MAP1A: variants seen among roughly 807,000 people sequenced by gnomAD.
The protein encoded by MAP1A is microtubule associated protein 1A.
In MAP1A, 42 loss-of-function variants were observed where a neutral mutation model predicts 185.9. That is an observed-to-expected ratio of 0.23 (90% CI 0.18 to 0.29). MAP1A has a LOEUF of 0.29. Ranked by LOEUF, MAP1A falls within the 10% of genes least tolerant of loss-of-function variation. The pLI is 1.00. For missense variants in MAP1A, 2,995 were observed against 3,450.4 expected (o/e 0.87, Z 3.31); for synonymous variants, 1,229 against 1,335.9 (o/e 0.92, Z 1.74).
chr15:43,526,605 A>G lies in MAP1A; in HGVS notation c.5132A>G (p.Glu1711Gly). 6.2e-7 allele frequency: 1 copy of G among 1,614,134 alleles called. No individual in the cohort carries two copies. The highest frequency in any genetic ancestry group is 8.5e-7 in the Non-Finnish European group (1 of 1,180,018). Reference sequence around the variant, plus strand: ...GAGCGGAAGGTCTGGTTCCCTCACGAGCTGGATGGCCAGGGGGCCCGCCCA... The same window carrying G: ...GAGCGGAAGGTCTGGTTCCCTCACGGGCTGGATGGCCAGGGGGCCCGCCCA... ...SCERKVWFPH[E>G]LDGQGARPHY... The change falls in exon 4 of 6, where the codon GAG becomes GGG. Residue 1711 changes from glutamate (E) to glycine (G), a missense_variant. Physicochemically the swap from Glu to Gly is moderately conservative, Grantham distance 98. Coordinates refer to ENST00000300231, the MANE Select transcript of MAP1A (RefSeq NM_002373.6). This position sits in a 1 kb window ranked among gnomAD's most constrained non-coding sequence, Gnocchi z 4.7.
In MAP1A at chr15:43,528,218, C is replaced by G; in HGVS notation, c.6745C>G (p.Arg2249Gly). The change falls in exon 4 of 6, where the codon CGA becomes GGA. Residue 2249 changes from arginine to glycine, a missense_variant. Physicochemically the swap from Arg to Gly is moderately radical, Grantham distance 125. Around this residue, in one of 3 missense-constraint regions of MAP1A, gnomAD observed 2,728 missense variants for 2,986.0 expected, o/e 0.91. Coordinates refer to ENST00000300231, the MANE Select transcript of MAP1A (RefSeq NM_002373.6). ...PGAPLLSNLP[R>G]PASPALSEGS... ...GGCCCCTCTCCTCTCCAATCTGCCA[C>G]GACCTGCCTCACCAGCCCTGTCTGA... 6.2e-7 allele frequency: 1 copy of G among 1,614,072 alleles called. No individual in the cohort carries two copies. The highest frequency in any genetic ancestry group is 8.5e-7 in the Non-Finnish European group (1 of 1,180,022).
rs776191838 is a variant in MAP1A at position 43,522,483 on chromosome 15, G to A, written c.1010G>A (p.Arg337Gln). 85 of 1,613,992 alleles carry A rather than the reference G, an allele frequency of 5.3e-5. No individual in the cohort carries two copies. Among genetic ancestry groups the A allele is most frequent in the South Asian group, 2.5e-4 (23 of 91,058 alleles). ...TKTAVSKLAKREEVVEEGAKE... is the reference protein window; with the variant it reads ...TKTAVSKLAKQEEVVEEGAKE... ...ACGGCCGTGAGCAAGTTGGCCAAAC[G>A]GGAGGAGGTGGTAGAAGAGGGAGCC... Residue 337 changes from arginine to glutamine, a missense_variant, in exon 4 of 6, where the codon CGG becomes CAG. Arg to Gln is a conservative substitution (Grantham distance 43). Coordinates refer to ENST00000300231, the MANE Select transcript of MAP1A (RefSeq NM_002373.6). This position sits in a 1 kb window ranked among gnomAD's most constrained non-coding sequence, Gnocchi z 5.9.
chr15:43,520,976 A>G lies in MAP1A; in HGVS notation c.-287A>G, dbSNP rs754621556. The G allele has an allele frequency of 2.5e-5, 39 of 1,549,814 alleles. No individual in the cohort carries two copies. Among genetic ancestry groups the G allele is most frequent in the Non-Finnish European group, 3.1e-5 (36 of 1,146,624 alleles). ...ACTCCCCTTCTTCCATTCCAGGTTC[A>G]TCATCTTCTTAGCAGCTCATCAGCT... On this transcript the variant is annotated 5_prime_UTR_variant, in exon 3 of 6. Coordinates refer to ENST00000300231, the MANE Select transcript of MAP1A (RefSeq NM_002373.6).
rs1037344647 is a variant in MAP1A at position 43,528,925 on chromosome 15, G to C, written c.7452G>C (p.Gly2484=). The C allele has an allele frequency of 6.2e-7, 1 of 1,612,968 alleles. No homozygotes were observed. The highest frequency in any genetic ancestry group is 8.5e-7 in the Non-Finnish European group (1 of 1,179,956). The change falls in exon 4 of 6, where the codon GGG becomes GGC. Residue 2484 remains glycine (G), a synonymous_variant. Transcript: ENST00000300231. ...VGRGGRRRVG[G]PGTTGGPCPV... is the part of the protein sequence containing the mutation. Reference sequence around the variant, plus strand: ...GAGGGGGGCGGCGCCGGGTAGGGGGGCCAGGGACCACTGGGGGCCCATGCC... The same window carrying C: ...GAGGGGGGCGGCGCCGGGTAGGGGGCCCAGGGACCACTGGGGGCCCATGCC...
chr15:43,526,423 G>C lies in MAP1A; in HGVS notation c.4950G>C (p.Trp1650Cys), dbSNP rs1060943. ...YWRGQDVVQE[W>C]QETSPTREEP... ...GGGGGCAGGATGTGGTCCAGGAGTG[G>C]CAAGAAACATCTCCTACCAGAGAGG... Residue 1650 changes from tryptophan (W) to cysteine (C), a missense_variant, in exon 4 of 6, where the codon TGG (tryptophan) becomes TGC (cysteine). This residue lies in a region of MAP1A where 2,728 missense variants were observed against 2,986.0 expected (regional missense o/e 0.91). Coordinates refer to ENST00000300231, the MANE Select transcript of MAP1A (RefSeq NM_002373.6). The surrounding 1 kb of genome is among the most constrained non-coding windows in gnomAD (Gnocchi z 4.7). The C allele has an allele frequency of 6.2e-7, 1 of 1,614,152 alleles. No homozygotes were observed. Among genetic ancestry groups the C allele is most frequent in the Non-Finnish European group, 8.5e-7 (1 of 1,180,020 alleles).
chr15:43,520,703 G>A lies in MAP1A; in HGVS notation c.-312G>A. The A allele has an allele frequency of 6.5e-7, 1 of 1,550,232 alleles. No individual in the cohort carries two copies. The highest frequency in any genetic ancestry group is 1.2e-5 in the South Asian group (1 of 84,056). On this transcript the variant is annotated 5_prime_UTR_variant, in exon 2 of 6. Transcript: ENST00000300231. ...GACCATCATCCTGGTAAATCCCAGT[G>A]CAGACAGCATCAGCTCTGAGGTAAG... is the stretch of plus-strand genomic sequence containing the variant.
At position 43,523,073 on chromosome 15, in the gene MAP1A, G is replaced by A; in HGVS notation, c.1600G>A (p.Asp534Asn). The stretch of plus-strand genomic sequence containing the variant: ...ATCCTCACCAGAGGACCTCACACAG[G>A]ACTTTGAGGAGATGAAGCGTGAGGA... ...VLSSPEDLTQDFEEMKREERA... is the reference protein window; with the variant it reads ...VLSSPEDLTQNFEEMKREERA... The change falls in exon 4 of 6, where the codon GAC becomes AAC. Residue 534 changes from aspartate to asparagine, a missense_variant. By Grantham distance (23) the Asp-to-Asn change is conservative. This residue lies in a region of MAP1A where 2,728 missense variants were observed against 2,986.0 expected (regional missense o/e 0.91). Coordinates refer to ENST00000300231, the MANE Select transcript of MAP1A (RefSeq NM_002373.6). The A allele has an allele frequency of 6.2e-7, 1 of 1,614,180 alleles. No homozygotes were observed. The highest frequency in any genetic ancestry group is 8.5e-7 in the Non-Finnish European group (1 of 1,180,030).
intron 1 of MAP1A, among the ~76,000 whole-genome samples, chr15:43,518,571 GCGGAGCTGGAGC>G (rs1287586731): frequency 6.6e-6 from 1 of 151,990 alleles, no homozygotes; most frequent in East Asian, 1.9e-4. Context: ...GGGGGTGGGG[GCGGAGCTGGAGC>G]CGGAGCTCAG....
At chr15:43,515,022 C>A (rs1484719666), upstream of MAP1A, among the ~76,000 whole-genome samples, 1 of 152,108 alleles carries the variant, frequency 6.6e-6, no homozygotes, top group Non-Finnish European at 1.5e-5. Flanking sequence ...TTGAGACCAG[C>A]CTGGACAACA....
Position 43,531,266 on chromosome 15 carries a change from A to AGAT in MAP1A, c.*1044_*1046dup, listed in dbSNP as rs1296703196. The AGAT allele has an allele frequency of 6.5e-6, 1 of 152,730 alleles. No individual in the cohort carries two copies. The highest frequency in any genetic ancestry group is 1.5e-5 in the Non-Finnish European group (1 of 68,138). 9.5% of individuals were successfully genotyped at this position (152,730 alleles called of 1,614,324 possible). ...CAGGCCAGAGGACTTGGGGAAAATG[A>AGAT]GATGGAGGAAGGAAAAAGGGAGAAG... On this transcript the variant is annotated 3_prime_UTR_variant, in exon 6 of 6. Coordinates refer to ENST00000300231, the MANE Select transcript of MAP1A (RefSeq NM_002373.6).
Position 43,529,175 on chromosome 15 carries a change from C to G in MAP1A, c.7702C>G (p.Pro2568Ala). The G allele has an allele frequency of 6.2e-7, 1 of 1,612,384 alleles. No individual in the cohort carries two copies. Among genetic ancestry groups the G allele is most frequent in the African/African-American group, 1.3e-5 (1 of 75,006 alleles). The change falls in exon 4 of 6, where the codon CCC becomes GCC. Residue 2568 changes from proline to alanine, a missense_variant. This residue lies in a region of MAP1A where 2,728 missense variants were observed against 2,986.0 expected (regional missense o/e 0.91). Transcript: ENST00000300231. The surrounding 1 kb of genome is among the most constrained non-coding windows in gnomAD (Gnocchi z 4.3). Reference protein sequence around the residue: ...HDPPPLPQPDPRPSPPRPDVC... With the variant: ...HDPPPLPQPDARPSPPRPDVC... ...CCCACCTCCTCTCCCACAGCCAGAC[C>G]CCCGCCCATCCCCTCCCCGCCCTGA...
upstream of MAP1A, among the ~76,000 whole-genome samples, chr15:43,517,206 C>A (rs2079300684): frequency 6.6e-6 from 1 of 152,146 alleles, no homozygotes; most frequent in African/African-American, 2.4e-5. Context: ...GTCTCCTGCT[C>A]CTCCAGGGAC....
At position 43,524,085 on chromosome 15, in the gene MAP1A, C is replaced by A. The variant is rs1248758487; in HGVS notation, c.2612C>A (p.Thr871Lys). Reference protein sequence around the residue: ...ETGKSSLLLDTVTSIPSSRTE... With the variant: ...ETGKSSLLLDKVTSIPSSRTE... The stretch of plus-strand genomic sequence containing the variant: ...GGCAAGAGCTCCCTGCTGCTTGACA[C>A]AGTCACAAGCATCCCTTCCTCCCGT... The change falls in exon 4 of 6, where the codon ACA (threonine) becomes AAA (lysine). Residue 871 changes from threonine to lysine, a missense_variant. This residue lies in a region of MAP1A where 2,728 missense variants were observed against 2,986.0 expected (regional missense o/e 0.91). Transcript: ENST00000300231. 4.3e-6 allele frequency: 7 copies of A among 1,614,022 alleles called. No individual in the cohort carries two copies. The African/African-American group carries it at 6.7e-5, about 15-fold the overall frequency.
In MAP1A at chr15:43,528,193, G is replaced by A; in HGVS notation, c.6720G>A (p.Gly2240=). The change falls in exon 4 of 6, where the codon GGG becomes GGA. Residue 2240 remains glycine (G), a synonymous_variant. Coordinates refer to ENST00000300231, the MANE Select transcript of MAP1A (RefSeq NM_002373.6). ...AGCTCCCATCACCCAGTTCTCCTGG[G>A]GCCCCTCTCCTCTCCAATCTGCCAC... ...LPQLPSPSSP[G]APLLSNLPRP... 2 of 1,614,098 alleles carry A rather than the reference G, an allele frequency of 1.2e-6. No homozygotes were observed. Among genetic ancestry groups the A allele is most frequent in the Non-Finnish European group, 1.7e-6 (2 of 1,180,024 alleles).
chr15:43,527,899 T>G lies in MAP1A; in HGVS notation c.6426T>G (p.Thr2142=). Residue 2142 remains threonine, a synonymous_variant, in exon 4 of 6, where the codon ACT becomes ACG. Coordinates refer to ENST00000300231, the MANE Select transcript of MAP1A (RefSeq NM_002373.6). The part of the protein sequence containing the change: ...PMGSPTLWPE[T]EAHVSPPLDS... ...GGTCCCCCACATTATGGCCAGAAAC[T>G]GAGGCACATGTTAGCCCTCCCTTGG... The G allele has an allele frequency of 6.2e-7, 1 of 1,614,106 alleles. No homozygotes were observed. The highest frequency in any genetic ancestry group is 8.5e-7 in the Non-Finnish European group (1 of 1,180,006).
Position 43,529,121 on chromosome 15 carries a change from G to A in MAP1A, c.7648G>A (p.Gly2550Ser), listed in dbSNP as rs200717766. 9.2e-5 allele frequency: 149 copies of A among 1,613,538 alleles called. No individual in the cohort carries two copies. In the African/African-American group the frequency reaches 1.2e-3, roughly 13 times the overall value. The change falls in exon 4 of 6, where the codon GGT (glycine) becomes AGT (serine). Residue 2550 changes from glycine to serine, a missense_variant. By Grantham distance (56) the Gly-to-Ser change is moderately conservative. Coordinates refer to ENST00000300231, the MANE Select transcript of MAP1A (RefSeq NM_002373.6). This position sits in a 1 kb window ranked among gnomAD's most constrained non-coding sequence, Gnocchi z 4.3. ...LPVDKAGGVS[G>S]THHPRPGHDP... is the part of the protein sequence containing the mutation. ...TGTGGACAAAGCTGGGGGTGTCAGT[G>A]GTACTCACCACCCCAGGCCTGGCCA...
intron 1 of MAP1A, chr15:43,511,337 C>G (rs2079276631): frequency 1.2e-6 from 1 of 801,768 alleles, no homozygotes; most frequent in Non-Finnish European, 2.0e-6. Context: ...TGTGCACTTC[C>G]TGAGATCTGC....
Position 43,528,576 on chromosome 15 carries a change from AC to A in MAP1A, c.7109del (p.Pro2370GlnfsTer84), listed in dbSNP as rs1315632524. The A allele has an allele frequency of 1.2e-6, 2 of 1,613,036 alleles. No homozygotes were observed. The highest frequency in any genetic ancestry group is 8.5e-7 in the Non-Finnish European group (1 of 1,179,820). ...AANGPTETSP[N>X]PPGPAPAKAE... ...AATGGCCCAACTGAAACCAGCCCTA[AC>A]CCCCCAGGCCCTGCCCCAGCCAAGG... On this transcript the variant is annotated frameshift_variant, in exon 4 of 6. Transcript: ENST00000300231. LOFTEE classifies it high-confidence loss of function.
At position 43,528,515 on chromosome 15, in the gene MAP1A, A is replaced by T. The variant is rs753464150; in HGVS notation, c.7042A>T (p.Ser2348Cys). ...CTCAGAGGCAGCCACGGAGAAGCCAAGCCCCTTCCAGGTTCCCTCTGAGGA... is the reference window on the plus strand; with the variant it reads ...CTCAGAGGCAGCCACGGAGAAGCCATGCCCCTTCCAGGTTCCCTCTGAGGA... The part of the protein sequence containing the change: ...ECSEAATEKP[S>C]PFQVPSEDCA... Residue 2348 changes from serine (S) to cysteine (C), a missense_variant, in exon 4 of 6, where the codon AGC becomes TGC. By Grantham distance (112) the Ser-to-Cys change is moderately radical. This residue lies in a region of MAP1A where 2,728 missense variants were observed against 2,986.0 expected (regional missense o/e 0.91). Transcript: ENST00000300231. 28 of 1,613,624 alleles carry T rather than the reference A, an allele frequency of 1.7e-5. No homozygotes were observed. Among genetic ancestry groups the T allele is most frequent in the Non-Finnish European group, 2.2e-5 (26 of 1,180,006 alleles).
Sources: gnomAD v4.1 joint callset for allele counts (sites outside exome capture counted in the v4.1 genomes callset) on GRCh38, gnomAD v4.1.1 for gene constraint, gnomAD v4.1.1 regional missense constraint, Gnocchi (gnomAD v3.1) non-coding constraint, MANE v1.5 for transcripts, NCBI Gene and HGNC (gene_info 2026-07-23, HGNC 2026-07-21) for gene names.